Variants in ESR1 observed in about 807,000 individuals in gnomAD.
The protein encoded by ESR1 is estrogen receptor.
A neutral mutation model predicts 52.7 loss-of-function variants in ESR1; 12 were observed. That is an observed-to-expected ratio of 0.23 (90% CI 0.15 to 0.37). The LOEUF (loss-of-function observed/expected upper bound fraction) is 0.37, where lower values mean the gene tolerates loss of function less well. Ranked by LOEUF, ESR1 falls within the 10% of genes least tolerant of loss-of-function variation. The pLI, the probability that ESR1 is intolerant of heterozygous loss-of-function variation, is 1.00. For missense variants in ESR1, 584 were observed against 779.7 expected, an observed-to-expected ratio of 0.75 and a Z score of 2.99; for synonymous variants, 305 against 316.8, an observed-to-expected ratio of 0.96 and a Z score of 0.39.
At chr6:151,898,950 G>A (rs555168381) in intron 3 of ESR1, among the ~76,000 whole-genome samples, 10 of 152,104 alleles carry the variant, frequency 6.6e-5, no homozygotes, top group East Asian at 3.9e-4. Context: ...CGGGCAGAGC[G>A]GCTCCTCACT....
chr6:151,808,328 A>G lies in ESR1; in HGVS notation c.416A>G (p.Tyr139Cys), dbSNP rs1778201615. 1 of 1,477,144 alleles carries G rather than the reference A, an allele frequency of 6.8e-7. No homozygotes were observed. The highest frequency in any genetic ancestry group is 9.0e-7 in the Non-Finnish European group (1 of 1,113,242). 91.5% of individuals were successfully genotyped at this position (1,477,144 alleles called of 1,614,324 possible). ...PYYLENEPSGYTVREAGPPAF... is the reference protein window; with the variant it reads ...PYYLENEPSGCTVREAGPPAF... ...TACCTGGAGAACGAGCCCAGCGGCT[A>G]CACGGTGCGCGAGGCCGGCCCGCCG... Residue 139 changes from tyrosine to cysteine, a missense_variant, in exon 1 of 8, where the codon TAC (tyrosine) becomes TGC (cysteine). Around this residue, in one of 6 missense-constraint regions of ESR1, gnomAD observed 251 missense variants for 246.1 expected, o/e 1.02. Coordinates refer to ENST00000206249, the MANE Select transcript of ESR1 (RefSeq NM_000125.4).
chr6:152,065,782 T>A (rs888413154), intron 6 of ESR1, among the ~76,000 whole-genome samples: 1 of 152,210 alleles, frequency 6.6e-6, no homozygotes, highest in Non-Finnish European at 1.5e-5. Context: ...CAGGGCCACT[T>A]GTTCCCCTGG....
chr6:151,862,488 T>A, intron 2 of ESR1, among the ~76,000 whole-genome samples: 1 of 152,176 alleles, frequency 6.6e-6, no homozygotes, highest in East Asian at 1.9e-4. Context: ...TCTCCTTATA[T>A]CCTACCAGGT....
At chr6:152,111,816 C>T (rs767989280) in intron 6 of ESR1, among the ~76,000 whole-genome samples, 1 of 152,052 alleles carries the variant, frequency 6.6e-6, no homozygotes, top group African/African-American at 2.4e-5. Flanking sequence ...TTTTGGGGCT[C>T]AACCCCAGCA....
intron 2 of ESR1, among the ~76,000 whole-genome samples, chr6:151,712,635 C>G (rs1343026857): frequency 6.6e-6 from 1 of 152,172 alleles, no homozygotes; most frequent in South Asian, 2.1e-4. Context: ...TGATTTGGCT[C>G]TCTGTTTGTT....
At chr6:151,906,181 A>AAAGCCACCCAC (rs1797423133) in intron 3 of ESR1, among the ~76,000 whole-genome samples, 1 of 152,178 alleles carries the variant, frequency 6.6e-6, no homozygotes, top group African/African-American at 2.4e-5. Flanking sequence ...CCACCCACAG[A>AAAGCCACCCAC]AGTAGTAGGA....
intron 6 of ESR1, chr6:152,122,046 G>A: frequency 3.3e-6 from 1 of 300,156 alleles, no homozygotes; most frequent in Non-Finnish European, 6.4e-6. Context: ...GTGCTTGGGA[G>A]GGTCATTTAT....
At chr6:151,772,914 C>G (rs988505183) in intron 2 of ESR1, among the ~76,000 whole-genome samples, 8 of 152,186 alleles carry the variant, frequency 5.3e-5, no homozygotes, top group African/African-American at 1.7e-4. Flanking sequence ...TGCCTCAAAT[C>G]TACTGCTTCT....
chr6:151,873,941 T>C (rs1791398295), intron 2 of ESR1, among the ~76,000 whole-genome samples: 1 of 152,220 alleles, frequency 6.6e-6, no homozygotes, highest in Non-Finnish European at 1.5e-5. Flanking sequence ...GCTTTATATA[T>C]GTTAGCTACA....
chr6:152,042,501 C>T (rs976743779), intron 5 of ESR1, among the ~76,000 whole-genome samples: 3 of 152,102 alleles, frequency 2.0e-5, no homozygotes, highest in Admixed American at 1.3e-4. Context: ...TGGTAAAAGG[C>T]CAGAGGTCTC....
At chr6:151,831,571 C>T (rs1016902124) in intron 1 of ESR1, among the ~76,000 whole-genome samples, 1 of 152,140 alleles carries the variant, frequency 6.6e-6, no homozygotes, top group African/African-American at 2.4e-5. Flanking sequence ...TCCCAAGGAT[C>T]CTGCTCTCTT....
intron 2 of ESR1, among the ~76,000 whole-genome samples, chr6:151,783,370 G>A (rs1345839578): frequency 6.6e-6 from 1 of 152,184 alleles, no homozygotes; most frequent in African/African-American, 2.4e-5. Context: ...AGGTTCTTAA[G>A]TTCCATTGGT....
At chr6:151,861,165 G>C (rs894773333) in intron 2 of ESR1, among the ~76,000 whole-genome samples, 1 of 152,110 alleles carries the variant, frequency 6.6e-6, no homozygotes, top group African/African-American at 2.4e-5. Flanking sequence ...TCTCATGGCT[G>C]GGTAAGTCTG....
intron 6 of ESR1, among the ~76,000 whole-genome samples, chr6:152,114,847 C>T (rs1025368233): frequency 5.8e-4 from 80 of 137,338 alleles, no homozygotes; most frequent in Admixed American, 1.0e-3. Context: ...GCCGAGATCG[C>T]GCCACTGCAC....
At chr6:151,929,005 G>A (rs1228055359) in intron 3 of ESR1, among the ~76,000 whole-genome samples, 1 of 152,168 alleles carries the variant, frequency 6.6e-6, no homozygotes, top group Non-Finnish European at 1.5e-5. Flanking sequence ...TATTCCATCA[G>A]AACTTGAGAA....
At chr6:151,722,204 G>C (rs552595170) in intron 2 of ESR1, among the ~76,000 whole-genome samples, 116 of 152,328 alleles carry the variant, frequency 7.6e-4, no homozygotes, top group African/African-American at 2.6e-3. Flanking sequence ...AGGTGCCTGG[G>C]AGGAGTGAAG....
intron 5 of ESR1, among the ~76,000 whole-genome samples, chr6:152,037,806 G>A (rs542291208): frequency 8.5e-5 from 13 of 152,072 alleles, no homozygotes; most frequent in Non-Finnish European, 1.8e-4. Flanking sequence ...GAGAGTGGCC[G>A]GAATCAAGAC....
chr6:152,034,324 T>C (rs973026726), intron 5 of ESR1, among the ~76,000 whole-genome samples: 3 of 142,312 alleles, frequency 2.1e-5, no homozygotes, highest in Non-Finnish European at 4.7e-5. Flanking sequence ...TAAATACTAG[T>C]TTGGCTGCAT....
chr6:152,077,570 C>A (rs984476159), intron 6 of ESR1, among the ~76,000 whole-genome samples: 22 of 152,210 alleles, frequency 1.4e-4, no homozygotes, highest in Middle Eastern at 6.3e-3. Flanking sequence ...TCAACGCCAG[C>A]CTGTGAAAGC....
Sources: gnomAD v4.1 joint callset for allele counts (sites outside exome capture counted in the v4.1 genomes callset) on GRCh38, gnomAD v4.1.1 for gene constraint, gnomAD v4.1.1 regional missense constraint, MANE v1.5 for transcripts, NCBI Gene and HGNC (gene_info 2026-07-23, HGNC 2026-07-21) for gene names.